Variants in PTGFR observed in about 807,000 individuals in gnomAD.
PTGFR encodes the protein prostaglandin F2-alpha receptor.
PTGFR carries 15 observed loss-of-function variants against 26.2 expected under a neutral mutation model. The ratio of observed to expected loss-of-function variants is 0.57; its 90% CI spans 0.38 to 0.88. PTGFR has a LOEUF of 0.88. Among genes scored for constraint, PTGFR ranks in the 40% least tolerant of loss-of-function variants. The pLI, the probability that PTGFR is intolerant of heterozygous loss-of-function variation, is 0.00. For synonymous variants in PTGFR, 165 were observed against 151.1 expected, an observed-to-expected ratio of 1.09 and a Z score of -0.68; for missense variants, 369 against 427.2, an observed-to-expected ratio of 0.86 and a Z score of 1.20.
At chr1:78,503,578 G>T (rs1286870755) in intron 2 of PTGFR, among the ~76,000 whole-genome samples, 1 of 152,160 alleles carries the variant, frequency 6.6e-6, no homozygotes, top group African/African-American at 2.4e-5. Flanking sequence ...ACAGAGACAT[G>T]ACCTGGGAAA....
chr1:78,506,992 C>T (rs1649841468), intron 2 of PTGFR, among the ~76,000 whole-genome samples: 2 of 152,178 alleles, frequency 1.3e-5, no homozygotes, highest in African/African-American at 2.4e-5. Context: ...CTGCAAACAG[C>T]AGCTCAAATA....
chr1:78,527,676 G>A (rs928081185), intron 2 of PTGFR, among the ~76,000 whole-genome samples: 2 of 152,124 alleles, frequency 1.3e-5, no homozygotes, highest in Non-Finnish European at 2.9e-5. Flanking sequence ...TGATGATGAT[G>A]AGGCTGCTGA....
chr1:78,527,275 T>A (rs1276598888), intron 2 of PTGFR, among the ~76,000 whole-genome samples: 1 of 152,124 alleles, frequency 6.6e-6, no homozygotes, highest in Admixed American at 6.6e-5. Flanking sequence ...AGTCTTCATT[T>A]AAAAGTTTAA....
intron 2 of PTGFR, among the ~76,000 whole-genome samples, chr1:78,500,235 A>G (rs922969832): frequency 1.3e-5 from 2 of 152,204 alleles, no homozygotes; most frequent in Non-Finnish European, 2.9e-5. Flanking sequence ...TTACCAGCTG[A>G]TTAAATGAAT....
At chr1:78,495,765 T>C (rs1649532445) in intron 2 of PTGFR, among the ~76,000 whole-genome samples, 1 of 152,248 alleles carries the variant, frequency 6.6e-6, no homozygotes. Flanking sequence ...TTGGTGTGGA[T>C]ATTTTGAATG....
chr1:78,536,235 T>G (rs12060353), intron 2 of PTGFR, among the ~76,000 whole-genome samples, 171 bp from the exon 3 acceptor site: 26,970 of 152,100 alleles, frequency 0.18, 2,527 homozygotes, highest in Non-Finnish European at 0.2. Context: ...AAATGATTCA[T>G]TTGTCTCCAT....
chr1:78,497,362 A>G (rs937442048), intron 2 of PTGFR, among the ~76,000 whole-genome samples: 9 of 152,140 alleles, frequency 5.9e-5, no homozygotes, highest in African/African-American at 2.2e-4. Flanking sequence ...AATTCTAAAC[A>G]TCTTTGAAAG....
chr1:78,505,703 C>T (rs966604298), intron 2 of PTGFR, among the ~76,000 whole-genome samples: 3 of 152,120 alleles, frequency 2.0e-5, no homozygotes, highest in African/African-American at 7.2e-5. Flanking sequence ...CTCCCCACAC[C>T]CCAAAGTCCG....
chr1:78,532,452 A>G, intron 2 of PTGFR: 1 of 119,754 alleles, frequency 8.4e-6, no homozygotes, highest in South Asian at 2.4e-4. Flanking sequence ...GTGTGTGTAT[A>G]TGTGTATATA....
chr1:78,501,749 G>A (rs192356071), intron 2 of PTGFR, among the ~76,000 whole-genome samples: 1 of 152,096 alleles, frequency 6.6e-6, no homozygotes, highest in Non-Finnish European at 1.5e-5. Context: ...TAGGCGGGGA[G>A]CATGAATCTC....
At chr1:78,524,417 A>T (rs919565601) in intron 2 of PTGFR, among the ~76,000 whole-genome samples, 2 of 152,144 alleles carry the variant, frequency 1.3e-5, no homozygotes, top group Non-Finnish European at 2.9e-5. Context: ...CTTATAATAG[A>T]TGCCTTATAA....
intron 2 of PTGFR, chr1:78,497,966 G>A (rs762433379): frequency 2.2e-5 from 33 of 1,518,672 alleles, no homozygotes; most frequent in Non-Finnish European, 2.8e-5. Context: ...CAAGAAATGT[G>A]TTCTCTTGCA....
intron 2 of PTGFR, among the ~76,000 whole-genome samples, chr1:78,501,469 C>T (rs1649704148): frequency 6.6e-6 from 1 of 152,102 alleles, no homozygotes; most frequent in Non-Finnish European, 1.5e-5. Flanking sequence ...TCCTGTCTGT[C>T]CTCTTTTCTG....
At chr1:78,531,622 A>C (rs534398591) in intron 2 of PTGFR, among the ~76,000 whole-genome samples, 1 of 152,016 alleles carries the variant, frequency 6.6e-6, no homozygotes, top group African/African-American at 2.4e-5. Flanking sequence ...AGTTCATATA[A>C]GTTTTCTTTC....
intron 2 of PTGFR, among the ~76,000 whole-genome samples, chr1:78,522,115 G>C (rs748726593): frequency 6.6e-6 from 1 of 151,984 alleles, no homozygotes; most frequent in Admixed American, 6.6e-5. Context: ...CTGTAGATCT[G>C]AGGTCCTTGT....
chr1:78,534,345 A>G (rs1451013970), intron 2 of PTGFR, among the ~76,000 whole-genome samples: 3 of 152,150 alleles, frequency 2.0e-5, no homozygotes, highest in Non-Finnish European at 2.9e-5. Flanking sequence ...GCTTGCAGAC[A>G]TCCTTGTTCT....
intron 2 of PTGFR, among the ~76,000 whole-genome samples, chr1:78,531,655 A>AT (rs900941263): frequency 4.0e-5 from 6 of 151,884 alleles, no homozygotes; most frequent in Non-Finnish European, 7.4e-5. Flanking sequence ...TAATTAATTT[A>AT]TTTTTTTACC....
chr1:78,528,206 C>G (rs1034950894), intron 2 of PTGFR, among the ~76,000 whole-genome samples: 3 of 134,140 alleles, frequency 2.2e-5, no homozygotes, highest in Non-Finnish European at 4.6e-5. Context: ...TGACTTATAA[C>G]TAAGAAAGAT....
At chr1:78,532,212 G>C (rs1650524625) in intron 2 of PTGFR, 2 of 405,870 alleles carry the variant, frequency 4.9e-6, no homozygotes, top group African/African-American at 2.2e-5. Flanking sequence ...TGCTTTTAAA[G>C]CGATAAGACA....
Sources: allele counts gnomAD v4.1 joint callset (sites outside exome capture counted in the v4.1 genomes callset), GRCh38; gene constraint gnomAD v4.1.1; transcripts MANE v1.5; gene names NCBI Gene and HGNC (gene_info 2026-07-23, HGNC 2026-07-21).